RASSF9: variants seen among roughly 807,000 people sequenced by gnomAD.
The protein encoded by RASSF9 is ras association domain-containing protein 9.
In RASSF9, 18 loss-of-function variants were observed where a neutral mutation model predicts 21.4. That is an observed-to-expected ratio of 0.84 (90% CI 0.58 to 1.25). The LOEUF is 1.25. RASSF9 is among the 50% of genes most tolerant of loss of function. RASSF9 has a pLI of 0.00. For synonymous variants in RASSF9, 183 were observed against 179.1 expected, an observed-to-expected ratio of 1.02 and a Z score of -0.18; for missense variants, 480 against 503.2, an observed-to-expected ratio of 0.95 and a Z score of 0.44.
Position 85,805,530 on chromosome 12 carries a change from T to A in RASSF9, c.480A>T (p.Ile160=). ...CCAGTTTCCGGAAAGTTTTCCTGAC[T>A]ATTCTTTTTTGTTTATCTGGTGGTA... ...KTLPPDKQKR[I]VRKTFRKLAK... is the part of the protein sequence containing the mutation. Residue 160 remains isoleucine, a synonymous_variant, in exon 2 of 2, where the codon ATA becomes ATT. Coordinates refer to ENST00000361228, the MANE Select transcript of RASSF9 (RefSeq NM_005447.4). The A allele has an allele frequency of 1.2e-6, 2 of 1,613,952 alleles. No individual in the cohort carries two copies. Among genetic ancestry groups the A allele is most frequent in the South Asian group, 1.1e-5 (1 of 91,074 alleles).
chr12:85,804,561 A>G lies in RASSF9; in HGVS notation c.*141T>C, dbSNP rs1879772298. The G allele has an allele frequency of 1.2e-6, 1 of 845,742 alleles. No individual in the cohort carries two copies. The highest frequency in any genetic ancestry group is 1.7e-5 in the African/African-American group (1 of 57,984). The allele number at this position is 845,742 out of a possible 1,614,324, so 52.4% of individuals were successfully genotyped here. On this transcript the variant is annotated 3_prime_UTR_variant, in exon 2 of 2. Transcript: ENST00000361228. Reference sequence around the variant, plus strand: ...CTTTGGAAATTTCACATCAGAAACAACACATTTCTCGAGTTTTTATTAACT... The same window carrying G: ...CTTTGGAAATTTCACATCAGAAACAGCACATTTCTCGAGTTTTTATTAACT...
chr12:85,829,127 A>G (rs1181617376), intron 1 of RASSF9, among the ~76,000 whole-genome samples: 2 of 152,180 alleles, frequency 1.3e-5, no homozygotes, highest in South Asian at 2.1e-4. Context: ...CATTAAGAGT[A>G]ACTAAAGGTA....
At chr12:85,808,578 T>C (rs1879885268) in intron 1 of RASSF9, among the ~76,000 whole-genome samples, 1 of 152,018 alleles carries the variant, frequency 6.6e-6, no homozygotes, top group Admixed American at 6.6e-5. Flanking sequence ...AACAAGTAAG[T>C]TCTTTAAGTA....
intron 1 of RASSF9, among the ~76,000 whole-genome samples, chr12:85,806,773 G>A (rs1879846844): frequency 6.7e-6 from 1 of 149,240 alleles, no homozygotes; most frequent in African/African-American, 2.5e-5. Context: ...ATTTCCTAGT[G>A]TGCTCTGGGA....
At chr12:85,812,344 T>C (rs908383129) in intron 1 of RASSF9, among the ~76,000 whole-genome samples, 2 of 151,442 alleles carry the variant, frequency 1.3e-5, no homozygotes, top group African/African-American at 4.8e-5. Flanking sequence ...AGCATACTTC[T>C]GTTTATTTTA....
intron 1 of RASSF9, among the ~76,000 whole-genome samples, chr12:85,811,006 A>G (rs1879941765): frequency 6.6e-6 from 1 of 151,898 alleles, no homozygotes; most frequent in South Asian, 2.1e-4. Flanking sequence ...CCCAAGATTC[A>G]TGTCCATTTT....
rs181507809 is a variant in RASSF9, at chr12:85,824,819, C to A, written c.47+11336G>T. 3.2e-3 allele frequency among the ~76,000 whole-genome samples: 490 copies of A among 152,260 alleles called. 6 individuals are homozygous for A. The highest frequency in any genetic ancestry group is 0.011 in the African/African-American group (455 of 41,538). On this transcript the variant is annotated intron_variant, in intron 1 of 1. Coordinates refer to ENST00000361228, the MANE Select transcript of RASSF9 (RefSeq NM_005447.4). ...GCTAGACTGGAATGGACTGCATCTGCCACGCTTTTATTTTGACTTCGAGCT... is the reference window on the plus strand; with the variant it reads ...GCTAGACTGGAATGGACTGCATCTGACACGCTTTTATTTTGACTTCGAGCT...
chr12:85,836,026 C>T (rs770233872), intron 1 of RASSF9, 129 bp downstream of exon 1: 1 of 1,515,106 alleles, frequency 6.6e-7, no homozygotes, highest in Non-Finnish European at 8.8e-7. Context: ...TGTGTCCCCA[C>T]GAAGCCTTTT....
chr12:85,816,301 T>A (rs1406209485), intron 1 of RASSF9, among the ~76,000 whole-genome samples: 4 of 139,572 alleles, frequency 2.9e-5, no homozygotes, highest in Admixed American at 7.0e-5. Context: ...ACCCCTGAAC[T>A]TAAAAGTTAA....
chr12:85,830,856 G>A, intron 1 of RASSF9, among the ~76,000 whole-genome samples: 1 of 152,036 alleles, frequency 6.6e-6, no homozygotes, highest in East Asian at 1.9e-4. Context: ...TACTACAACA[G>A]ACTCTACAAG....
intron 1 of RASSF9, among the ~76,000 whole-genome samples, chr12:85,817,344 C>G (rs113762814): frequency 2.0e-5 from 3 of 152,140 alleles, no homozygotes; most frequent in Admixed American, 2.0e-4. Flanking sequence ...TCTTTTCCCA[C>G]GAATCAGTTA....
At chr12:85,812,062 A>G (rs1020429399) in intron 1 of RASSF9, among the ~76,000 whole-genome samples, 2 of 151,772 alleles carry the variant, frequency 1.3e-5, no homozygotes, top group African/African-American at 4.8e-5. Context: ...AGTCATATCT[A>G]AACTATGACT....
intron 1 of RASSF9, among the ~76,000 whole-genome samples, chr12:85,810,931 G>A (rs1879940207): frequency 6.6e-6 from 1 of 151,696 alleles, no homozygotes. Context: ...TTGTGTGTGT[G>A]TGTTTGTTGG....
chr12:85,801,579 A>G lies in RASSF9; in HGVS notation c.*3123T>C, dbSNP rs1204743343. 6.6e-5 allele frequency: 10 copies of G among 152,446 alleles called. No individual in the cohort carries two copies. The highest frequency in any genetic ancestry group is 2.2e-4 in the African/African-American group (9 of 41,566). The allele number at this position is 152,446 out of a possible 1,614,324, so 9.4% of individuals were successfully genotyped here. On this transcript the variant is annotated 3_prime_UTR_variant, in exon 2 of 2. Transcript: ENST00000361228. ...TGTAATCCCAGCACTTTGGGAGGCC[A>G]AGACGGGTGGATCACAAGGTCAGGA...
intron 1 of RASSF9, among the ~76,000 whole-genome samples, chr12:85,826,305 T>C (rs540087762): frequency 6.6e-6 from 1 of 152,302 alleles, no homozygotes; most frequent in South Asian, 2.1e-4. Context: ...CATCCTGATA[T>C]TGGCCCCATG....
chr12:85,805,857 A>T lies in RASSF9; in HGVS notation c.153T>A (p.Asp51Glu). The T allele has an allele frequency of 6.2e-7, 1 of 1,613,932 alleles. No individual in the cohort carries two copies. Among genetic ancestry groups the T allele is most frequent in the Non-Finnish European group, 8.5e-7 (1 of 1,179,848 alleles). ...CGLTKRTTSA[D>E]VIQALLEEHE... is the part of the protein sequence containing the mutation. Reference sequence around the variant, plus strand: ...GTTCCTCAAGCAAAGCCTGGATGACATCAGCAGAGGTGGTGCGTTTAGTCA... The same window carrying T: ...GTTCCTCAAGCAAAGCCTGGATGACTTCAGCAGAGGTGGTGCGTTTAGTCA... Residue 51 changes from aspartate to glutamate, a missense_variant, in exon 2 of 2, where the codon GAT (aspartate) becomes GAA (glutamate). Physicochemically the swap from Asp to Glu is conservative, Grantham distance 45 (BLOSUM62 2). Transcript: ENST00000361228.
intron 1 of RASSF9, among the ~76,000 whole-genome samples, chr12:85,823,604 A>G (rs1880264952): frequency 6.6e-6 from 1 of 152,220 alleles, no homozygotes. Flanking sequence ...GCTATGACCA[A>G]TGGAATGTGG....
At chr12:85,814,995 T>C (rs1880029729) in intron 1 of RASSF9, among the ~76,000 whole-genome samples, 2 of 152,092 alleles carry the variant, frequency 1.3e-5, no homozygotes. Context: ...AATTCTCTTA[T>C]ATGCCCTCCT....
intron 1 of RASSF9, among the ~76,000 whole-genome samples, chr12:85,830,627 T>G (rs1215113080): frequency 6.6e-6 from 1 of 152,134 alleles, no homozygotes; most frequent in Non-Finnish European, 1.5e-5. Context: ...AGTCTGAAGA[T>G]ATAAACCTCT....
Sources: gnomAD v4.1 joint callset for allele counts (sites outside exome capture counted in the v4.1 genomes callset) on GRCh38, gnomAD v4.1.1 for gene constraint, MANE v1.5 for transcripts, NCBI Gene and HGNC (gene_info 2026-07-23, HGNC 2026-07-21) for gene names.